Variants in LIPK observed in about 807,000 individuals in gnomAD.
LIPK encodes the protein lipase family member K.
LIPK carries 32 observed loss-of-function variants against 48.6 expected under a neutral mutation model. The ratio of observed to expected loss-of-function variants is 0.66; its 90% confidence interval spans 0.50 to 0.88. The LOEUF (loss-of-function observed/expected upper bound fraction) is 0.88. LIPK is among the 40% of genes least tolerant of loss of function. The pLI, the probability that LIPK is intolerant of heterozygous loss-of-function variation, is 0.00. For synonymous variants in LIPK, 164 were observed against 157.4 expected, an observed-to-expected ratio of 1.04 and a Z score of -0.32; for missense variants, 507 against 478.5, an observed-to-expected ratio of 1.06 and a Z score of -0.56.
At chr10:88,711,750 C>A (rs1733542496) in intron 1 of LIPK, among the ~76,000 whole-genome samples, 2 of 152,212 alleles carry the variant, frequency 1.3e-5, no homozygotes, top group African/African-American at 4.8e-5. Context: ...ACTGGGATTA[C>A]AAGCGTGAGC....
At position 88,752,561 on chromosome 10, in the gene LIPK, A is replaced by G; in HGVS notation, c.1005A>G (p.Thr335=). ...LYNITKMEVP[T]AIWNGGQDIV... ...ACATTACTAAGATGGAAGTTCCAAC[A>G]GCAATATGGAATGGTGGACAGGACA... Residue 335 remains threonine (T), a synonymous_variant, in exon 10 of 10, where the codon ACA becomes ACG. Coordinates refer to ENST00000404190, the MANE Select transcript of LIPK (RefSeq NM_001080518.2). 1.3e-6 allele frequency: 2 copies of G among 1,567,674 alleles called. No homozygotes were observed. Among genetic ancestry groups the G allele is most frequent in the East Asian group, 2.3e-5 (1 of 43,232 alleles).
intron 3 of LIPK, chr10:88,728,737 G>T: frequency 3.6e-6 from 1 of 281,214 alleles, no homozygotes; most frequent in Non-Finnish European, 7.2e-6. Context: ...GGTGGGCTGG[G>T]CTCGGCCTCA....
intron 6 of LIPK, among the ~76,000 whole-genome samples, chr10:88,735,205 C>T (rs1361865452): frequency 1.3e-5 from 2 of 152,174 alleles, no homozygotes; most frequent in African/African-American, 4.8e-5. Flanking sequence ...GAGTAGAGTT[C>T]GTCAAGTTGA....
At chr10:88,749,178 A>G (rs899215008) in intron 9 of LIPK, among the ~76,000 whole-genome samples, 10 of 152,272 alleles carry the variant, frequency 6.6e-5, no homozygotes, top group African/African-American at 2.4e-4. Context: ...AATATCATTA[A>G]AATGGCCATA....
At chr10:88,751,392 C>A (rs1042393052) in intron 9 of LIPK, among the ~76,000 whole-genome samples, 9 of 151,494 alleles carry the variant, frequency 5.9e-5, no homozygotes, top group African/African-American at 2.2e-4. Flanking sequence ...TTTCTTTTTT[C>A]TTTTACCTTT....
intron 1 of LIPK, among the ~76,000 whole-genome samples, chr10:88,719,614 T>C (rs1159725513): frequency 6.6e-6 from 1 of 152,234 alleles, no homozygotes; most frequent in Non-Finnish European, 1.5e-5. Flanking sequence ...TTGCATTTTT[T>C]AAACTTAAGA....
chr10:88,728,583 C>T (rs1842395338), intron 3 of LIPK: 1 of 458,826 alleles, frequency 2.2e-6, no homozygotes, highest in Non-Finnish European at 4.3e-6. Flanking sequence ...GTAGCTTCAC[C>T]GGAACCTGGA....
intron 9 of LIPK, among the ~76,000 whole-genome samples, chr10:88,748,435 G>A (rs1842807252): frequency 1.3e-5 from 2 of 151,996 alleles, no homozygotes; most frequent in Admixed American, 1.3e-4. Context: ...TGGCCAACAT[G>A]GTGAAACCTC....
intron 8 of LIPK, among the ~76,000 whole-genome samples, chr10:88,741,611 G>C (rs1842681094): frequency 6.6e-6 from 1 of 152,188 alleles, no homozygotes. Flanking sequence ...ATAGAAATAA[G>C]TGGGGATGGT....
At chr10:88,715,834 C>T (rs1250717619) in intron 1 of LIPK, among the ~76,000 whole-genome samples, 1 of 151,102 alleles carries the variant, frequency 6.6e-6, no homozygotes, top group Admixed American at 6.6e-5. Flanking sequence ...CTGTTTTCTG[C>T]CTTATTCTAG....
intron 7 of LIPK, among the ~76,000 whole-genome samples, chr10:88,738,177 A>G (rs1282816747): frequency 1.3e-5 from 2 of 152,224 alleles, no homozygotes; most frequent in East Asian, 3.8e-4. Context: ...TATTTTGTGA[A>G]CAACTTACTT....
Position 88,725,177 on chromosome 10 carries a change from G to A in LIPK, c.105+529G>A, listed in dbSNP as rs1360474528. Among the ~76,000 whole-genome samples, 5 of 152,160 alleles carry A rather than the reference G, an allele frequency of 3.3e-5. No individual in the cohort carries two copies. In the East Asian group the frequency reaches 7.7e-4, roughly 23 times the overall value. ...TACTCCATTCTCCTATATAAACGGC[G>A]CACAATTGCTGTCCTGTACCATACG... On this transcript the variant is annotated intron_variant, in intron 2 of 9. Transcript: ENST00000404190.
chr10:88,737,920 C>T, intron 7 of LIPK, 139 bp downstream of exon 7: 1 of 876,070 alleles, frequency 1.1e-6, no homozygotes, highest in Non-Finnish European at 1.8e-6. Flanking sequence ...TTATGGCTTC[C>T]AATGAGGGTT....
intron 1 of LIPK, among the ~76,000 whole-genome samples, chr10:88,718,109 C>G (rs1461865979): frequency 6.6e-6 from 1 of 151,566 alleles, no homozygotes; most frequent in Non-Finnish European, 1.5e-5. Flanking sequence ...CTTTCTTCCT[C>G]CCATGCATTC....
chr10:88,752,565 A>G lies in LIPK; in HGVS notation c.1009A>G (p.Ile337Val), dbSNP rs1319963721. Residue 337 changes from isoleucine (I) to valine (V), a missense_variant, in exon 10 of 10, where the codon ATA becomes GTA. Physicochemically the swap from Ile to Val is conservative, Grantham distance 29. Coordinates refer to ENST00000404190, the MANE Select transcript of LIPK (RefSeq NM_001080518.2). ...NITKMEVPTA[I>V]WNGGQDIVAD... ...TACTAAGATGGAAGTTCCAACAGCA[A>G]TATGGAATGGTGGACAGGACATTGT... is the stretch of plus-strand genomic sequence containing the variant. 2.6e-6 allele frequency: 4 copies of G among 1,568,412 alleles called. No homozygotes were observed. In the South Asian group the frequency reaches 3.5e-5, roughly 14 times the overall value.
Position 88,743,306 on chromosome 10 carries a change from G to A in LIPK, c.945G>A (p.Met315Ile). 6.3e-7 allele frequency: 1 copy of A among 1,591,556 alleles called. No individual in the cohort carries two copies. Among genetic ancestry groups the A allele is most frequent in the Non-Finnish European group, 8.6e-7 (1 of 1,166,878 alleles). ...AFDWGNSDQN[M>I]MHFHQLTPPL... ...ATTGGGGAAACTCTGATCAGAACAT[G>A]ATGCACTTCCATCAGGTACAAAAAT... The change falls in exon 9 of 10, where the codon ATG (methionine) becomes ATA (isoleucine). Residue 315 changes from methionine (M) to isoleucine (I), a missense_variant. Coordinates refer to ENST00000404190, the MANE Select transcript of LIPK (RefSeq NM_001080518.2).
chr10:88,740,474 G>T (rs988824697), intron 8 of LIPK, among the ~76,000 whole-genome samples: 1 of 152,258 alleles, frequency 6.6e-6, no homozygotes, highest in Non-Finnish European at 1.5e-5. Context: ...ATTCAGAGAA[G>T]ATTGAATGCT....
chr10:88,750,803 T>C (rs2134801643), intron 9 of LIPK, among the ~76,000 whole-genome samples: 1 of 152,098 alleles, frequency 6.6e-6, no homozygotes, highest in Admixed American at 6.5e-5. Flanking sequence ...GAATCTAAAA[T>C]AAAAGTTGGA....
At position 88,746,959 on chromosome 10, in the gene LIPK, A is replaced by G. The variant is rs146473264; in HGVS notation, c.960+3638A>G. ...ATTACCACCACCCCACAGATACATA[A>G]TAATCCCTCAGAGACTATCATTATC... On this transcript the variant is annotated intron_variant, in intron 9 of 9. Transcript: ENST00000404190. 5.7e-4 allele frequency among the ~76,000 whole-genome samples: 87 copies of G among 152,350 alleles called. 1 individual carries two copies. Among genetic ancestry groups the G allele is most frequent in the African/African-American group, 1.8e-3 (75 of 41,598 alleles).
Sources: gnomAD v4.1 joint callset for allele counts (sites outside exome capture counted in the v4.1 genomes callset) on GRCh38, gnomAD v4.1.1 for gene constraint, MANE v1.5 for transcripts, NCBI Gene and HGNC (gene_info 2026-07-23, HGNC 2026-07-21) for gene names.